Variants in SH3BGRL2 observed in about 807,000 individuals in gnomAD.
SH3BGRL2 encodes SH3 domain-binding glutamic acid-rich-like protein 2.
In SH3BGRL2, 21 loss-of-function variants were observed where a neutral mutation model predicts 14.8. The observed-to-expected ratio is 1.42, with a 90% CI of 1.01 to 2.05. SH3BGRL2 has a LOEUF of 2.05. Ranked by LOEUF, SH3BGRL2 falls within the 30% of genes most tolerant of loss-of-function variation. SH3BGRL2 has a pLI of 0.00. For synonymous variants in SH3BGRL2, 50 were observed against 47.8 expected (o/e 1.05, Z -0.19); for missense variants, 147 against 130.8 (o/e 1.12, Z -0.61).
At chr6:79,552,831 A>G in the SH3BGRL2 span, 1 of 152,234 alleles carries the variant, frequency 6.6e-6, no homozygotes, top group Non-Finnish European at 1.5e-5. Flanking sequence ...GGGGCTCTGC[A>G]TATTATGAAT....
the SH3BGRL2 span, among the ~76,000 whole-genome samples, chr6:79,565,023 G>A: frequency 7.9e-5 from 12 of 152,252 alleles, no homozygotes; most frequent in African/African-American, 2.6e-4. Context: ...ACAGGAGGCT[G>A]TAATATCAAA....
At chr6:79,615,501 A>G in the SH3BGRL2 span, among the ~76,000 whole-genome samples, 1 of 152,174 alleles carries the variant, frequency 6.6e-6, no homozygotes, top group South Asian at 2.1e-4. Context: ...ACACCTTTAC[A>G]AGATAAAGCA....
the SH3BGRL2 span, among the ~76,000 whole-genome samples, chr6:79,556,519 A>G: frequency 3.3e-5 from 5 of 152,086 alleles, no homozygotes; most frequent in African/African-American, 7.2e-5. Context: ...CTGAATACTG[A>G]TAATTGTGCA....
chr6:79,629,521 T>C (rs1257628028), upstream of SH3BGRL2, among the ~76,000 whole-genome samples: 1 of 152,134 alleles, frequency 6.6e-6, no homozygotes, highest in Non-Finnish European at 1.5e-5. Context: ...AGAAAGTCCT[T>C]TGTTGGCATT....
At chr6:79,604,390 T>G in the SH3BGRL2 span, among the ~76,000 whole-genome samples, 1 of 152,254 alleles carries the variant, frequency 6.6e-6, no homozygotes. Context: ...TTAGCTTGTT[T>G]TTTTCTCATT....
At chr6:79,591,669 G>A in the SH3BGRL2 span, among the ~76,000 whole-genome samples, 6 of 152,232 alleles carry the variant, frequency 3.9e-5, no homozygotes, top group East Asian at 1.2e-3. Context: ...ACTTCCCAAA[G>A]TGCTGGGATT....
the SH3BGRL2 span, among the ~76,000 whole-genome samples, chr6:79,597,388 AAGG>A: frequency 6.8e-6 from 1 of 146,626 alleles, no homozygotes; most frequent in Admixed American, 6.9e-5. Flanking sequence ...GAAGGGAAGG[AAGG>A]AGGAAGGAAG....
intron 1 of SH3BGRL2, among the ~76,000 whole-genome samples, chr6:79,659,403 C>T (rs1769493374): frequency 6.6e-6 from 1 of 152,110 alleles, no homozygotes; most frequent in African/African-American, 2.4e-5. Context: ...GAATCCTTTC[C>T]CCATTTCTTG....
chr6:79,590,978 TTAAC>T, the SH3BGRL2 span, among the ~76,000 whole-genome samples: 1 of 152,200 alleles, frequency 6.6e-6, no homozygotes, highest in Admixed American at 6.5e-5. Flanking sequence ...TTTCAAAGTA[TTAAC>T]TATTTCCTAA....
chr6:79,672,428 T>A (rs923522807), intron 1 of SH3BGRL2, among the ~76,000 whole-genome samples: 2 of 152,170 alleles, frequency 1.3e-5, no homozygotes, highest in African/African-American at 2.4e-5. Context: ...CATTTTTTTT[T>A]AAAGTGGGCT....
chr6:79,631,425 C>CG lies in SH3BGRL2; in HGVS notation c.-31dup, dbSNP rs1444879290. 15 of 1,505,108 alleles carry CG rather than the reference C, an allele frequency of 1.0e-5. No individual in the cohort carries two copies. Among genetic ancestry groups the CG allele is most frequent in the Non-Finnish European group, 1.1e-5 (12 of 1,126,018 alleles). The allele number at this position is 1,505,108 out of a possible 1,614,324, so 93.2% of individuals were successfully genotyped here. A position where few individuals can be genotyped will look rare whatever the true frequency, so the allele number is the denominator to read the frequency against. ...TCTGCGTCCACGCCAGCCCGGAGCC[C>CG]GGGGGGCAAGGGGTCTGTCCCGGGC... On this transcript the variant is annotated 5_prime_UTR_variant, in exon 1 of 4. Coordinates refer to ENST00000369838, the MANE Select transcript of SH3BGRL2 (RefSeq NM_031469.4).
chr6:79,571,124 T>A, the SH3BGRL2 span, among the ~76,000 whole-genome samples: 17 of 152,208 alleles, frequency 1.1e-4, no homozygotes, highest in Non-Finnish European at 4.4e-5. Context: ...TTAAAAGAGC[T>A]TTGTTCTGTA....
At position 79,678,073 on chromosome 6, in the gene SH3BGRL2, C is replaced by G. The variant is rs193234443; in HGVS notation, c.231+4274C>G. 3.3e-5 allele frequency among the ~76,000 whole-genome samples: 5 copies of G among 152,286 alleles called. No individual in the cohort carries two copies. In the East Asian group the frequency reaches 9.6e-4, roughly 29 times the overall value. ...CTCCCCTTTCATTTCTTTTCTCTCT[C>G]TCTCTATTCAGCAAACAGATGATTT... On this transcript the variant is annotated intron_variant, in intron 2 of 3. Coordinates refer to ENST00000369838, the MANE Select transcript of SH3BGRL2 (RefSeq NM_031469.4).
chr6:79,606,363 G>GA, the SH3BGRL2 span, among the ~76,000 whole-genome samples: 2 of 152,256 alleles, frequency 1.3e-5, no homozygotes, highest in African/African-American at 4.8e-5. Context: ...TTATGTCTCT[G>GA]AAAAATGTAT....
chr6:79,640,227 T>A (rs1769003483), intron 1 of SH3BGRL2, among the ~76,000 whole-genome samples: 1 of 152,124 alleles, frequency 6.6e-6, no homozygotes, highest in Non-Finnish European at 1.5e-5. Flanking sequence ...TTCCCTTCTG[T>A]CTCCCTCTCT....
upstream of SH3BGRL2, among the ~76,000 whole-genome samples, chr6:79,630,165 T>C (rs1768795962): frequency 2.0e-5 from 3 of 152,204 alleles, no homozygotes; most frequent in Admixed American, 6.5e-5. Flanking sequence ...AAAAGATTCC[T>C]ACTACAGAAA....
intron 2 of SH3BGRL2, among the ~76,000 whole-genome samples, chr6:79,688,316 CTA>C (rs1184294305): frequency 6.6e-6 from 1 of 151,844 alleles, no homozygotes; most frequent in Non-Finnish European, 1.5e-5. Flanking sequence ...ATGCTATTAT[CTA>C]TACAGTTCAG....
chr6:79,648,606 C>T (rs1452799125), intron 1 of SH3BGRL2, among the ~76,000 whole-genome samples: 1 of 151,854 alleles, frequency 6.6e-6, no homozygotes. Flanking sequence ...TCAATGCAGT[C>T]AAGGTTCTTT....
chr6:79,564,359 G>T, the SH3BGRL2 span, among the ~76,000 whole-genome samples: 3 of 152,030 alleles, frequency 2.0e-5, no homozygotes, highest in Non-Finnish European at 4.4e-5. Flanking sequence ...ACGTAAAACT[G>T]CACTGTATTT....
Sources: gnomAD v4.1 joint callset for allele counts (sites outside exome capture counted in the v4.1 genomes callset) on GRCh38, gnomAD v4.1.1 for gene constraint, MANE v1.5 for transcripts, NCBI Gene and HGNC (gene_info 2026-07-23, HGNC 2026-07-21) for gene names.